VNN1: variants seen among roughly 807,000 people sequenced by gnomAD.
VNN1 encodes the protein pantetheinase.
Under a neutral mutation model 41.9 loss-of-function variants are expected in VNN1, and 29 were observed. The ratio of observed to expected loss-of-function variants is 0.69; its 90% CI spans 0.52 to 0.94. The LOEUF is 0.94. Among genes scored for constraint, VNN1 ranks in the 40% least tolerant of loss-of-function variants. The pLI, the probability that VNN1 is intolerant of heterozygous loss-of-function variation, is 0.00. For missense variants in VNN1, 637 were observed against 621.1 expected (o/e 1.03, Z -0.27); for synonymous variants, 233 against 224.4 (o/e 1.04, Z -0.34).
At chr6:132,709,716 C>T (rs1157129927) in intron 2 of VNN1, among the ~76,000 whole-genome samples, 1 of 151,072 alleles carries the variant, frequency 6.6e-6, no homozygotes. Context: ...GACATTCAGA[C>T]ATCATTAGTT....
At chr6:132,693,905 A>G (rs1778329589) in intron 3 of VNN1, 85 bp downstream of exon 3, 1 of 1,473,830 alleles carries the variant, frequency 6.8e-7, no homozygotes, top group Non-Finnish European at 9.4e-7. Flanking sequence ...AAGTGTGCTT[A>G]TCATTATCAA....
At chr6:132,686,940 G>T (rs1778217722) in intron 5 of VNN1, among the ~76,000 whole-genome samples, 1 of 151,982 alleles carries the variant, frequency 6.6e-6, no homozygotes. Context: ...AAAAATAAAA[G>T]ATTCAGTACA....
chr6:132,711,901 CTGAG>C, intron 1 of VNN1, 62 bp from the exon 2 acceptor site: 1 of 1,578,408 alleles, frequency 6.3e-7, no homozygotes, highest in Non-Finnish European at 8.6e-7. Context: ...AGCTGAGTGG[CTGAG>C]TAACAACTAT....
chr6:132,700,144 G>T (rs1204498539), intron 2 of VNN1, among the ~76,000 whole-genome samples: 1 of 152,126 alleles, frequency 6.6e-6, no homozygotes, highest in East Asian at 1.9e-4. Flanking sequence ...TGTACCTAAA[G>T]AAAAAGTAAG....
At chr6:132,693,844 C>A in intron 3 of VNN1, 146 bp downstream of exon 3, 1 of 952,542 alleles carries the variant, frequency 1.0e-6, no homozygotes, top group Non-Finnish European at 1.6e-6. Flanking sequence ...TTTATAGGAG[C>A]TTTCCACGCT....
In VNN1 at chr6:132,681,646, GT is replaced by G. The variant is rs1778123819; in HGVS notation, c.*1493del. ...TCACCAACACATCAATATGTTTTCT[GT>G]TTTACATTGAAATTATATGAGAATA... is the stretch of plus-strand genomic sequence containing the variant. On this transcript the variant is annotated 3_prime_UTR_variant, in exon 7 of 7. Transcript: ENST00000367928. 1 of 152,438 alleles carries G rather than the reference GT, an allele frequency of 6.6e-6. No individual in the cohort carries two copies. Among genetic ancestry groups the G allele is most frequent in the Non-Finnish European group, 1.5e-5 (1 of 68,002 alleles). The allele number at this position is 152,438 out of a possible 1,614,324, so 9.4% of individuals were successfully genotyped here.
At chr6:132,690,783 C>T (rs749877783) in intron 5 of VNN1, among the ~76,000 whole-genome samples, 50 of 152,168 alleles carry the variant, frequency 3.3e-4, no homozygotes, top group Non-Finnish European at 7.4e-5. Context: ...GGCATAATTT[C>T]AGCACTCAAG....
At chr6:132,707,748 T>C (rs1477632059) in intron 2 of VNN1, among the ~76,000 whole-genome samples, 1 of 151,770 alleles carries the variant, frequency 6.6e-6, no homozygotes, top group Non-Finnish European at 1.5e-5. Context: ...AGATAGAGAA[T>C]AGAAAGATGG....
chr6:132,713,294 CTG>C (rs1778629897), intron 1 of VNN1, among the ~76,000 whole-genome samples: 1 of 152,198 alleles, frequency 6.6e-6, no homozygotes, highest in Non-Finnish European at 1.5e-5. Flanking sequence ...TAACTTCAAA[CTG>C]AAACCTTCAC....
At chr6:132,701,039 G>A (rs1778442650) in intron 2 of VNN1, among the ~76,000 whole-genome samples, 1 of 152,134 alleles carries the variant, frequency 6.6e-6, no homozygotes, top group African/African-American at 2.4e-5. Context: ...ATTATGTGTT[G>A]ATTTAAGTTC....
At chr6:132,709,207 T>C (rs1562221351) in intron 2 of VNN1, among the ~76,000 whole-genome samples, 1 of 113,572 alleles carries the variant, frequency 8.8e-6, no homozygotes, top group Admixed American at 9.1e-5. Context: ...AATAGATAGA[T>C]GATAGATAGA....
Position 132,688,111 on chromosome 6 carries a change from A to T in VNN1, c.1189-3606T>A, listed in dbSNP as rs1057381855. On this transcript the variant is annotated intron_variant, in intron 5 of 6. Transcript: ENST00000367928. The stretch of plus-strand genomic sequence containing the variant: ...AGTTAGACTATGAAAAATTATAAAT[A>T]TAATATTATACCAAAATTCCTTATC... Among the ~76,000 whole-genome samples, 15 of 152,244 alleles carry T rather than the reference A, an allele frequency of 9.9e-5. No homozygotes were observed. The East Asian group carries it at 1.4e-3, about 14-fold the overall frequency.
chr6:132,684,260 C>A, intron 6 of VNN1, 75 bp downstream of exon 6: 1 of 1,425,126 alleles, frequency 7.0e-7, no homozygotes, highest in Non-Finnish European at 9.5e-7. Flanking sequence ...TATTTGTAAG[C>A]ACTTGAGCAG....
Position 132,711,824 on chromosome 6 carries a change from C to G in VNN1, c.226G>C (p.Val76Leu), listed in dbSNP as rs754806706. 1.9e-6 allele frequency: 3 copies of G among 1,613,866 alleles called. No homozygotes were observed. The highest frequency in any genetic ancestry group is 2.2e-5 in the South Asian group (2 of 91,032). The change falls in exon 2 of 7, where the codon GTG becomes CTG. Residue 76 changes from valine to leucine, a missense_variant. Coordinates refer to ENST00000367928, the MANE Select transcript of VNN1 (RefSeq NM_004666.3). ...SAADQGAHIIVTPEDAIYGWN... is the reference protein window; with the variant it reads ...SAADQGAHIILTPEDAIYGWN... ...CCATAAATAGCATCTTCTGGAGTCA[C>G]AATAATATGCGCACCCTGTTAAAAA...
At chr6:132,685,349 AG>A (rs1369159676) in intron 5 of VNN1, among the ~76,000 whole-genome samples, 1 of 152,260 alleles carries the variant, frequency 6.6e-6, no homozygotes. Flanking sequence ...GCTTGACTAA[AG>A]CAGCAGCCGC....
At chr6:132,691,352 C>T (rs1778281515) in intron 5 of VNN1, among the ~76,000 whole-genome samples, 1 of 151,876 alleles carries the variant, frequency 6.6e-6, no homozygotes, top group Non-Finnish European at 1.5e-5. Flanking sequence ...AAGATGGGGG[C>T]CAGACCAAGG....
intron 3 of VNN1, 84 bp downstream of exon 3, chr6:132,693,906 T>C (rs1778329633): frequency 1.4e-6 from 2 of 1,478,124 alleles, no homozygotes. Flanking sequence ...AGTGTGCTTA[T>C]CATTATCAAT....
At chr6:132,687,610 C>T (rs1778226795) in intron 5 of VNN1, among the ~76,000 whole-genome samples, 1 of 152,166 alleles carries the variant, frequency 6.6e-6, no homozygotes, top group Non-Finnish European at 1.5e-5. Context: ...AGGAGAAAAA[C>T]AGAGAACCTA....
Position 132,693,068 on chromosome 6 carries a change from T to C in VNN1, c.782A>G (p.Asn261Ser), listed in dbSNP as rs1778315103. ...GTAATGTATGTTGGATGCAAGGAAA[T>C]TGACCCTCATGCCCATAGCCCAAGC... ...HSAWAMGMRV[N>S]FLASNIHYPS... is the part of the protein sequence containing the mutation. Residue 261 changes from asparagine to serine, a missense_variant, in exon 4 of 7, where the codon AAT (asparagine) becomes AGT (serine). Asn to Ser is a conservative substitution (Grantham distance 46, BLOSUM62 1). Transcript: ENST00000367928. The C allele has an allele frequency of 1.9e-6, 3 of 1,613,872 alleles. No individual in the cohort carries two copies. In the South Asian group the frequency reaches 3.3e-5, roughly 18 times the overall value.
Sources: gnomAD v4.1 joint callset for allele counts (sites outside exome capture counted in the v4.1 genomes callset) on GRCh38, gnomAD v4.1.1 for gene constraint, MANE v1.5 for transcripts, NCBI Gene and HGNC (gene_info 2026-07-23, HGNC 2026-07-21) for gene names.